CDH22: variants seen among roughly 807,000 people sequenced by gnomAD.
CDH22 encodes cadherin 22.
Under a neutral mutation model 58.4 loss-of-function variants are expected in CDH22, and 30 were observed. The ratio of observed to expected loss-of-function variants is 0.51; its 90% CI spans 0.38 to 0.70. The LOEUF (loss-of-function observed/expected upper bound fraction) is 0.70. Among genes scored for constraint, CDH22 ranks in the 30% least tolerant of loss-of-function variants. CDH22 has a pLI of 0.00. For missense variants in CDH22, 1,014 were observed against 1,233.9 expected (o/e 0.82, Z 2.67); for synonymous variants, 513 against 558.2 (o/e 0.92, Z 1.14).
rs553432388 is a variant in CDH22, at chr20:46,207,534, C to G, written c.1286+2773G>C. On this transcript the variant is annotated intron_variant, in intron 7 of 11. Transcript: ENST00000537909. ...GGGGGTTGTTCAGAGACTATGCCAC[C>G]AGCCCGGGTGGAAGGGAGTGGAGGA... 2.6e-5 allele frequency among the ~76,000 whole-genome samples: 4 copies of G among 152,316 alleles called. No homozygotes were observed. In the East Asian group the frequency reaches 7.7e-4, roughly 29 times the overall value.
In CDH22 at chr20:46,308,270, G is replaced by A. The variant is rs2059032649; in HGVS notation, c.-415C>T. 1.3e-5 allele frequency: 2 copies of A among 155,968 alleles called. No homozygotes were observed. The highest frequency in any genetic ancestry group is 2.1e-4 in the South Asian group (1 of 4,830). The allele number at this position is 155,968 out of a possible 1,614,324, so 9.7% of individuals were successfully genotyped here. ...GCGCTCTTACCTCGGGGAGCGGCCC[G>A]GGGCTCCCCCTAGTCCTGCCGCCTC... On this transcript the variant is annotated 5_prime_UTR_variant, in exon 1 of 12. Coordinates refer to ENST00000537909, the MANE Select transcript of CDH22 (RefSeq NM_021248.3). The surrounding 1 kb of genome is among the most constrained non-coding windows in gnomAD (Gnocchi z 4.3).
intron 2 of CDH22, among the ~76,000 whole-genome samples, chr20:46,249,613 C>T (rs2086355501): frequency 6.6e-6 from 1 of 152,178 alleles, no homozygotes; most frequent in Non-Finnish European, 1.5e-5. Context: ...CTCAGAACTG[C>T]CTCCCGGTTC....
chr20:46,233,676 G>A (rs965101569), intron 3 of CDH22, among the ~76,000 whole-genome samples: 4 of 152,158 alleles, frequency 2.6e-5, no homozygotes, highest in Non-Finnish European at 5.9e-5. Context: ...TTTGTTGATG[G>A]AAAAGACAAA....
intron 7 of CDH22, among the ~76,000 whole-genome samples, chr20:46,204,417 AAGAG>A (rs1251262818): frequency 8.8e-6 from 1 of 113,820 alleles, no homozygotes; most frequent in African/African-American, 3.5e-5. Flanking sequence ...AAAAAAAAAA[AAGAG>A]AGAGAGACAG....
At chr20:46,287,478 T>TTCTCA (rs2086581466) in intron 1 of CDH22, among the ~76,000 whole-genome samples, 1 of 150,860 alleles carries the variant, frequency 6.6e-6, no homozygotes, top group African/African-American at 2.4e-5. Context: ...CAGACTGGAG[T>TTCTCA]GTGGGGGTGG....
intron 4 of CDH22, among the ~76,000 whole-genome samples, chr20:46,220,150 CAGAG>C (rs1163698388): frequency 6.6e-6 from 1 of 150,592 alleles, no homozygotes; most frequent in African/African-American, 2.4e-5. Context: ...GGGGAACAGA[CAGAG>C]AGGGAGACTG....
chr20:46,252,722 C>A (rs73908659), intron 1 of CDH22, among the ~76,000 whole-genome samples: 19 of 152,298 alleles, frequency 1.2e-4, no homozygotes, highest in African/African-American at 4.6e-4. Flanking sequence ...TGGCCAGTTG[C>A]CAGGGGCAAG....
At chr20:46,199,594 C>A (rs1224724468) in intron 7 of CDH22, 35 bp from the exon 8 acceptor site, 4 of 1,605,302 alleles carry the variant, frequency 2.5e-6, no homozygotes, top group Non-Finnish European at 3.4e-6. Context: ...TTGAAGGTGC[C>A]CCAGTGCCAA....
chr20:46,244,153 C>A (rs561830820), intron 2 of CDH22, among the ~76,000 whole-genome samples: 127 of 152,328 alleles, frequency 8.3e-4, no homozygotes, highest in South Asian at 2.5e-3. Flanking sequence ...TCCATCATGT[C>A]CCTGCAGGCC....
chr20:46,300,347 T>C lies in CDH22; in HGVS notation c.-400+7908A>G, dbSNP rs984374408. 1.3e-5 allele frequency among the ~76,000 whole-genome samples: 2 copies of C among 152,078 alleles called. No homozygotes were observed. The highest frequency in any genetic ancestry group is 4.2e-4 in the South Asian group (2 of 4,816). On this transcript the variant is annotated intron_variant, in intron 1 of 11. Coordinates refer to ENST00000537909, the MANE Select transcript of CDH22 (RefSeq NM_021248.3). The surrounding 1 kb of genome is among the most constrained non-coding windows in gnomAD (Gnocchi z 4.4). The stretch of plus-strand genomic sequence containing the variant: ...TCTGGTTACCTGAGTCTGTCTGGCT[T>C]GTCACCTACCCATCATCTTGTCTAC...
chr20:46,226,168 A>T (rs898290783), intron 4 of CDH22, among the ~76,000 whole-genome samples: 1 of 151,086 alleles, frequency 6.6e-6, no homozygotes. Flanking sequence ...ACTTCTCCCA[A>T]CTTTTGCCTG....
In CDH22 at chr20:46,241,172, T is replaced by C; in HGVS notation, c.341A>G (p.Glu114Gly). 6.2e-7 allele frequency: 1 copy of C among 1,614,148 alleles called. No homozygotes were observed. The highest frequency in any genetic ancestry group is 8.5e-7 in the Non-Finnish European group (1 of 1,180,016). Residue 114 changes from glutamate (E) to glycine (G), a missense_variant, in exon 3 of 12, where the codon GAG (glutamate) becomes GGG (glycine). Coordinates refer to ENST00000537909, the MANE Select transcript of CDH22 (RefSeq NM_021248.3). This position sits in a 1 kb window ranked among gnomAD's most constrained non-coding sequence, Gnocchi z 5.2. ...EGAGTIFLID[E>G]LTGDIHAMER... ...CATGGCATGAATGTCGCCTGTCAGC[T>C]CGTCGATCAGGAAGATGGTCCCAGC... is the stretch of plus-strand genomic sequence containing the variant.
chr20:46,221,710 G>A (rs901939642), intron 4 of CDH22, among the ~76,000 whole-genome samples: 12 of 152,182 alleles, frequency 7.9e-5, no homozygotes, highest in Non-Finnish European at 1.5e-4. Flanking sequence ...GTAAGCAGCC[G>A]TGTGCAGGGC....
intron 1 of CDH22, among the ~76,000 whole-genome samples, chr20:46,290,803 T>C (rs1475252276): frequency 6.7e-6 from 1 of 149,394 alleles, no homozygotes; most frequent in Non-Finnish European, 1.5e-5. Flanking sequence ...AGAGAGAGAG[T>C]AATAGTTTTG....
At chr20:46,256,080 T>C (rs1192015120) in intron 1 of CDH22, among the ~76,000 whole-genome samples, 2 of 152,226 alleles carry the variant, frequency 1.3e-5, no homozygotes, top group African/African-American at 4.8e-5. Flanking sequence ...TGCGAACATG[T>C]GTCTGCAGTC....
chr20:46,308,177 A>G lies in CDH22; in HGVS notation c.-400+78T>C, dbSNP rs1381344477. ...GCCTGCCCGGCCGCTCCCGCCGGCC[A>G]GGGGGCTCCCTCCCTGCCGGGCAGC... is the stretch of plus-strand genomic sequence containing the variant. On this transcript the variant is annotated intron_variant, in intron 1 of 11. Transcript: ENST00000537909. The surrounding 1 kb of genome is among the most constrained non-coding windows in gnomAD (Gnocchi z 4.3). 8 of 148,182 alleles carry G rather than the reference A, an allele frequency of 5.4e-5. No individual in the cohort carries two copies. The highest frequency in any genetic ancestry group is 1.0e-4 in the Non-Finnish European group (7 of 67,048). The allele number at this position is 148,182 out of a possible 1,614,324, so 9.2% of individuals were successfully genotyped here. A position where few individuals can be genotyped will look rare whatever the true frequency, so the allele number is the denominator to read the frequency against.
chr20:46,278,136 C>T (rs1221721336), intron 1 of CDH22, among the ~76,000 whole-genome samples: 1 of 152,060 alleles, frequency 6.6e-6, no homozygotes, highest in African/African-American at 2.4e-5. Flanking sequence ...GAGCTGGGAA[C>T]AGAACCCAGG....
rs926519546 is a variant in CDH22 at position 46,300,473 on chromosome 20, A to G, written c.-400+7782T>C. Among the ~76,000 whole-genome samples the G allele has an allele frequency of 6.6e-6, 1 of 152,146 alleles. No homozygotes were observed. The highest frequency in any genetic ancestry group is 2.4e-5 in the African/African-American group (1 of 41,418). On this transcript the variant is annotated intron_variant, in intron 1 of 11. Coordinates refer to ENST00000537909, the MANE Select transcript of CDH22 (RefSeq NM_021248.3). The surrounding 1 kb of genome is among the most constrained non-coding windows in gnomAD (Gnocchi z 4.4). ...CTGCCTGGTGCCTGTCACTCTGCCC[A>G]TCACACACACAAGCGCGCGTGTGCG...
chr20:46,200,212 G>A (rs915257391), intron 7 of CDH22, among the ~76,000 whole-genome samples: 12 of 152,060 alleles, frequency 7.9e-5, no homozygotes, highest in Admixed American at 2.6e-4. Flanking sequence ...CTGACCTCGT[G>A]ATCTGCCCGC....
Sources: allele counts gnomAD v4.1 joint callset (sites outside exome capture counted in the v4.1 genomes callset), GRCh38; gene constraint gnomAD v4.1.1; non-coding constraint Gnocchi (gnomAD v3.1); transcripts MANE v1.5; gene names NCBI Gene and HGNC (gene_info 2026-07-23, HGNC 2026-07-21).